Variants in CMC4 observed in about 807,000 individuals in gnomAD.
CMC4 encodes the protein C-X9-C motif containing 4, also known as cx9C motif-containing protein 4.
Under a neutral mutation model 5.1 loss-of-function variants are expected in CMC4, and 4 were observed. The observed-to-expected ratio is 0.78, with a 90% CI of 0.38 to 1.78. The LOEUF (loss-of-function observed/expected upper bound fraction) is 1.78. Among genes scored for constraint, CMC4 ranks in the 40% most tolerant of loss-of-function variants. The pLI is 0.04. For missense variants in CMC4, 52 were observed against 51.3 expected, an observed-to-expected ratio of 1.01 and a Z score of -0.04; for synonymous variants, 23 against 18.9, an observed-to-expected ratio of 1.22 and a Z score of -0.57.
At chrX:155,066,725 G>T (rs1333330163) in intron 1 of CMC4, among the ~76,000 whole-genome samples, 1 of 112,192 alleles carries the variant, frequency 8.9e-6, no homozygotes, top group Non-Finnish European at 1.9e-5. Context: ...TGCTGATTTG[G>T]AGCTGAGTGA....
intron 1 of CMC4, among the ~76,000 whole-genome samples, chrX:155,068,919 A>G (rs1211268284): frequency 8.9e-6 from 1 of 112,522 alleles, no homozygotes; most frequent in African/African-American, 3.2e-5. Context: ...AACTCAAGGA[A>G]TACTGCCAGC....
At chrX:155,063,749 T>C (rs1181276270) in intron 2 of CMC4, among the ~76,000 whole-genome samples, 1 of 111,420 alleles carries the variant, frequency 9.0e-6, no homozygotes, top group Non-Finnish European at 1.9e-5. Flanking sequence ...TTTAAAGATC[T>C]CCAGGTGATG....
chrX:155,064,364 A>G (rs1315155088), intron 1 of CMC4: 4 of 139,632 alleles, frequency 2.9e-5, no homozygotes, highest in African/African-American at 1.2e-4. Context: ...TTGATAAATG[A>G]TTAAACTCCT....
At chrX:155,062,734 C>T (rs782347755) in intron 2 of CMC4, among the ~76,000 whole-genome samples, 21 of 111,576 alleles carry the variant, frequency 1.9e-4, no homozygotes, top group African/African-American at 6.9e-4. Flanking sequence ...AGGTGGGTAA[C>T]AGTCCAGATT....
chrX:155,065,980 C>T (rs782676787), intron 1 of CMC4: 2 of 1,211,021 alleles, frequency 1.7e-6, no homozygotes, highest in Non-Finnish European at 2.2e-6. Flanking sequence ...CAGAGGTGAT[C>T]GGGTGGAGCC....
Position 155,061,942 on chromosome X carries a change from A to T in CMC4, c.108T>A (p.Arg36=). The part of the protein sequence containing the change: ...SKCQAVIQEL[R]KCCAQYPKGR... ...CCTTGGGATACTGAGCACAACACTT[A>T]CGCAGTTCTTGGATGACAGCCTGAC... Residue 36 remains arginine, a synonymous_variant, in exon 3 of 3, where the codon CGT becomes CGA. Coordinates refer to ENST00000369484, the MANE Select transcript of CMC4 (RefSeq NM_001018024.3). 8.3e-7 allele frequency: 1 copy of T among 1,211,024 alleles called. No individual in the cohort carries two copies. The highest frequency in any genetic ancestry group is 1.1e-6 in the Non-Finnish European group (1 of 895,076).
chrX:155,066,982 G>A (rs1162910926), intron 1 of CMC4, among the ~76,000 whole-genome samples: 1 of 112,111 alleles, frequency 8.9e-6, no homozygotes, highest in Non-Finnish European at 1.9e-5. Context: ...ATAACTTGAT[G>A]TGCATTTTGC....
At chrX:155,064,122 T>A in intron 1 of CMC4, 89 bp from the exon 2 acceptor site, 1 of 566,602 alleles carries the variant, frequency 1.8e-6, no homozygotes. Flanking sequence ...AGACAAGCAG[T>A]ATATGCCCTT....
At chrX:155,067,940 C>CT (rs1279295608) in intron 1 of CMC4, among the ~76,000 whole-genome samples, 1 of 112,526 alleles carries the variant, frequency 8.9e-6, no homozygotes, top group South Asian at 3.7e-4. Flanking sequence ...CAAAGCCCCC[C>CT]TTTTTTCCCA....
chrX:155,062,010 G>A lies in CMC4; in HGVS notation c.59-19C>T. 1 of 1,205,798 alleles carries A rather than the reference G, an allele frequency of 8.3e-7. No homozygotes were observed. The highest frequency in any genetic ancestry group is 1.1e-6 in the Non-Finnish European group (1 of 892,403). The stretch of plus-strand genomic sequence containing the variant: ...CTGTTGGCTGAAAAACATACAGGCA[G>A]ACTCTAGTCATGATCTCATAGGACT... On this transcript the variant is annotated intron_variant, in intron 2 of 2. Transcript: ENST00000369484.
intron 1 of CMC4, among the ~76,000 whole-genome samples, chrX:155,067,819 G>A (rs1557292129): frequency 8.9e-6 from 1 of 112,041 alleles, no homozygotes; most frequent in Non-Finnish European, 1.9e-5. Context: ...TGTATGGTGG[G>A]TAGGGAAGGG....
chrX:155,066,188 A>T (rs868911514), intron 1 of CMC4: 2 of 415,219 alleles, frequency 4.8e-6, no homozygotes, highest in Middle Eastern at 6.6e-4. Context: ...CACAACCTAA[A>T]TAGAACCAAG....
intron 1 of CMC4, chrX:155,065,842 C>A: frequency 1.7e-6 from 2 of 1,197,486 alleles, no homozygotes; most frequent in African/African-American, 3.5e-5. Flanking sequence ...AATATTGAGA[C>A]TGGAATAGAA....
rs1444598178 is a variant in CMC4 at position 155,062,130 on chromosome X, A to G, written c.59-139T>C. On this transcript the variant is annotated intron_variant, in intron 2 of 2. Transcript: ENST00000369484. ...AAGAAGATATACCAAAGTCCACTGA[A>G]TTCTTTCTAATTTAGAGACCTGTCG... 1.6e-5 allele frequency: 9 copies of G among 563,897 alleles called. No individual in the cohort carries two copies. In the Admixed American group the frequency reaches 1.9e-4, roughly 12 times the overall value. 46.5% of individuals were successfully genotyped at this position (563,897 alleles called of 1,213,427 possible).
chrX:155,064,380 T>C, intron 1 of CMC4: 1 of 129,632 alleles, frequency 7.7e-6, no homozygotes, highest in Non-Finnish European at 1.6e-5. Flanking sequence ...CTCCTTGAGC[T>C]TTTTTTATTA....
chrX:155,065,479 T>C (rs2073944839), intron 1 of CMC4: 1 of 1,202,386 alleles, frequency 8.3e-7, no homozygotes, highest in African/African-American at 1.8e-5. Flanking sequence ...GAAATAGAAA[T>C]ACATACCAGG....
chrX:155,066,133 G>T, intron 1 of CMC4: 1 of 496,099 alleles, frequency 2.0e-6, no homozygotes, highest in Non-Finnish European at 3.4e-6. Flanking sequence ...AGGTGATCTG[G>T]TACTAGCAAC....
At chrX:155,065,451 G>C in intron 1 of CMC4, 1 of 1,168,047 alleles carries the variant, frequency 8.6e-7, no homozygotes, top group Non-Finnish European at 1.2e-6. Context: ...CCAAAACAAA[G>C]AGGGGGAGGA....
intron 1 of CMC4, chrX:155,066,190 A>G (rs2073947627): frequency 2.4e-6 from 1 of 412,013 alleles, no homozygotes; most frequent in Non-Finnish European, 4.2e-6. Flanking sequence ...CAACCTAAAT[A>G]GAACCAAGGA....
Sources: allele counts gnomAD v4.1 joint callset (sites outside exome capture counted in the v4.1 genomes callset), GRCh38; gene constraint gnomAD v4.1.1; transcripts MANE v1.5; gene names NCBI Gene and HGNC (gene_info 2026-07-23, HGNC 2026-07-21).